The following LOC128125817 variants were observed in gnomAD, a reference collection of about 807,000 sequenced individuals.
chr1:41,588,607 G>T, the LOC128125817 span, among the ~76,000 whole-genome samples: 2 of 152,104 alleles, frequency 1.3e-5, no homozygotes, highest in Admixed American at 6.5e-5. Context: ...CCTGCCCAGG[G>T]TCAGTGTCCA....
chr1:41,618,337 C>T, the LOC128125817 span, among the ~76,000 whole-genome samples: 1 of 152,260 alleles, frequency 6.6e-6, no homozygotes, highest in Non-Finnish European at 1.5e-5. Flanking sequence ...AGCCTTGTTC[C>T]TTCCTGCCTA....
At chr1:41,619,744 C>T in the LOC128125817 span, among the ~76,000 whole-genome samples, 8 of 152,068 alleles carry the variant, frequency 5.3e-5, no homozygotes, top group Non-Finnish European at 7.4e-5. Context: ...GGAGGCTGTC[C>T]GAATGCTATA....
At chr1:41,597,552 A>G in the LOC128125817 span, among the ~76,000 whole-genome samples, 1 of 152,130 alleles carries the variant, frequency 6.6e-6, no homozygotes, top group African/African-American at 2.4e-5. Flanking sequence ...CCCATTTTAC[A>G]GGTGAGGAAA....
At chr1:41,614,838 G>C in the LOC128125817 span, among the ~76,000 whole-genome samples, 1 of 152,170 alleles carries the variant, frequency 6.6e-6, no homozygotes, top group Non-Finnish European at 1.5e-5. Flanking sequence ...TGATACGCTG[G>C]CCAGTTCCTC....
At chr1:41,585,702 A>G in the LOC128125817 span, among the ~76,000 whole-genome samples, 1 of 152,158 alleles carries the variant, frequency 6.6e-6, no homozygotes, top group African/African-American at 2.4e-5. Flanking sequence ...TCTAAGCCTC[A>G]GTTGCCTAAT....
the LOC128125817 span, among the ~76,000 whole-genome samples, chr1:41,610,555 G>C: frequency 6.6e-6 from 1 of 152,130 alleles, no homozygotes; most frequent in South Asian, 2.1e-4. Flanking sequence ...AGAGAGGGAC[G>C]GTTCCTGCAA....
At chr1:41,592,907 C>T in the LOC128125817 span, among the ~76,000 whole-genome samples, 5 of 152,206 alleles carry the variant, frequency 3.3e-5, no homozygotes, top group South Asian at 2.1e-4. Flanking sequence ...TCCTGGACAC[C>T]GGCTTCTGCC....
At chr1:41,622,087 A>T in the LOC128125817 span, among the ~76,000 whole-genome samples, 1 of 152,226 alleles carries the variant, frequency 6.6e-6, no homozygotes, top group Admixed American at 6.5e-5. Context: ...CATCTTGCAG[A>T]TCCTTGGGTT....
chr1:41,587,489 C>CA, the LOC128125817 span, among the ~76,000 whole-genome samples: 1 of 152,188 alleles, frequency 6.6e-6, no homozygotes, highest in Non-Finnish European at 1.5e-5. Flanking sequence ...CGAGGAACAA[C>CA]AGGAATAAAC....
At chr1:41,593,512 T>C in the LOC128125817 span, among the ~76,000 whole-genome samples, 1 of 152,216 alleles carries the variant, frequency 6.6e-6, no homozygotes, top group Non-Finnish European at 1.5e-5. Flanking sequence ...TATGAGTATA[T>C]CACAGGCTAA....
At chr1:41,590,911 C>T in the LOC128125817 span, among the ~76,000 whole-genome samples, 1 of 152,190 alleles carries the variant, frequency 6.6e-6, no homozygotes, top group African/African-American at 2.4e-5. Context: ...CTGGCTCCTC[C>T]ACCTCCTAAC....
the LOC128125817 span, among the ~76,000 whole-genome samples, chr1:41,592,058 G>A: frequency 0.19 from 28,287 of 152,176 alleles, 3,283 homozygotes; most frequent in Non-Finnish European, 0.28. Flanking sequence ...GTGGGACAGT[G>A]AGTAGCACAC....
the LOC128125817 span, among the ~76,000 whole-genome samples, chr1:41,589,373 G>A: frequency 6.6e-6 from 1 of 152,358 alleles, no homozygotes; most frequent in Non-Finnish European, 1.5e-5. Context: ...GCTTCCTTTG[G>A]TCTAGCTGTG....
the LOC128125817 span, among the ~76,000 whole-genome samples, chr1:41,613,656 T>C: frequency 6.6e-6 from 1 of 152,238 alleles, no homozygotes; most frequent in Non-Finnish European, 1.5e-5. Context: ...TAAACATAAC[T>C]CTTTAAATGC....
At chr1:41,618,276 C>T in the LOC128125817 span, among the ~76,000 whole-genome samples, 1 of 152,234 alleles carries the variant, frequency 6.6e-6, no homozygotes, top group Non-Finnish European at 1.5e-5. Flanking sequence ...GCAGACTCTG[C>T]GGTTATGCAA....
the LOC128125817 span, among the ~76,000 whole-genome samples, chr1:41,591,430 A>G: frequency 1.3e-5 from 2 of 152,152 alleles, no homozygotes; most frequent in African/African-American, 4.8e-5. Context: ...CAGTGGGGAT[A>G]AGAACACAGG....
At chr1:41,615,535 A>G in the LOC128125817 span, among the ~76,000 whole-genome samples, 1 of 152,246 alleles carries the variant, frequency 6.6e-6, no homozygotes, top group Non-Finnish European at 1.5e-5. Context: ...CAGTGACAGG[A>G]CAGGCACCAA....
the LOC128125817 span, among the ~76,000 whole-genome samples, chr1:41,620,474 C>A: frequency 2.0e-5 from 3 of 152,202 alleles, no homozygotes; most frequent in African/African-American, 7.2e-5. Flanking sequence ...CTGAGCACTT[C>A]TCTGACTCTT....
At chr1:41,601,277 T>A in the LOC128125817 span, among the ~76,000 whole-genome samples, 1 of 152,176 alleles carries the variant, frequency 6.6e-6, no homozygotes, top group African/African-American at 2.4e-5. Flanking sequence ...TTTTTTCTAT[T>A]TAGGCAAAGT....
Sources: gnomAD v4.1 joint callset for allele counts (sites outside exome capture counted in the v4.1 genomes callset) on GRCh38, gnomAD v4.1.1 for gene constraint, MANE v1.5 for transcripts.